CACNG2: variants seen among roughly 807,000 people sequenced by gnomAD.
CACNG2 encodes the protein calcium voltage-gated channel auxiliary subunit gamma 2, also known as voltage-dependent calcium channel gamma-2 subunit.
In CACNG2, 3 loss-of-function variants were observed where a neutral mutation model predicts 25.9. That is an observed-to-expected ratio of 0.12 (90% CI 0.05 to 0.30). The LOEUF is 0.30. Ranked by LOEUF, CACNG2 falls within the 10% of genes least tolerant of loss-of-function variation. The pLI, the probability that CACNG2 is intolerant of heterozygous loss-of-function variation, is 1.00. For missense variants in CACNG2, 341 were observed against 432.5 expected (o/e 0.79, Z 1.88); for synonymous variants, 167 against 173.3 (o/e 0.96, Z 0.29).
intron 1 of CACNG2, among the ~76,000 whole-genome samples, chr22:36,636,965 T>C (rs1936365694): frequency 6.6e-6 from 1 of 152,194 alleles, no homozygotes; most frequent in African/African-American, 2.4e-5. Context: ...AGAGGACTTG[T>C]GTTATTAAAC....
intron 1 of CACNG2, among the ~76,000 whole-genome samples, chr22:36,629,632 GC>G (rs371845386): frequency 2.3e-4 from 35 of 151,978 alleles, no homozygotes; most frequent in African/African-American, 8.5e-4. Context: ...GGTAAAGGGG[GC>G]CAGGTGAGAA....
At chr22:36,568,817 A>G (rs76969171) in intron 2 of CACNG2, among the ~76,000 whole-genome samples, 3,726 of 151,924 alleles carry the variant, frequency 0.025, 173 homozygotes, top group African/African-American at 0.087. Context: ...GGGGGACCTG[A>G]AGAAGGGCAG....
At chr22:36,686,050 AAACAGAG>A (rs781476870) in intron 1 of CACNG2, among the ~76,000 whole-genome samples, 16 of 152,202 alleles carry the variant, frequency 1.1e-4, no homozygotes, top group Admixed American at 6.5e-5. Context: ...AGATACTTGA[AAACAGAG>A]AAGCACAAGG....
At chr22:36,658,824 C>T (rs8138176) in intron 1 of CACNG2, among the ~76,000 whole-genome samples, 15,286 of 151,678 alleles carry the variant, frequency 0.1, 2,534 homozygotes, top group African/African-American at 0.35. Context: ...CAAGAGTGTG[C>T]GGGGAAGGGA....
At position 36,595,372 on chromosome 22, in the gene CACNG2, G is replaced by A. The variant is rs377140235; in HGVS notation, c.212-7824C>T. 1.3e-4 allele frequency among the ~76,000 whole-genome samples: 20 copies of A among 152,280 alleles called. No homozygotes were observed. The East Asian group carries it at 3.3e-3, about 25-fold the overall frequency. On this transcript the variant is annotated intron_variant, in intron 1 of 3. Coordinates refer to ENST00000300105, the MANE Select transcript of CACNG2 (RefSeq NM_006078.5). ...CATCACCAGTGTCTTCCCAGCTCTC[G>A]TTAGCAGTTTGAAATCAGCCGTGGT...
At chr22:36,587,659 C>G in intron 1 of CACNG2, 111 bp from the exon 2 acceptor site, 2 of 797,428 alleles carry the variant, frequency 2.5e-6, no homozygotes, top group Non-Finnish European at 4.6e-6. Context: ...TCAGCCCTCT[C>G]CCTCACCCCT....
In CACNG2 at chr22:36,648,344, G is replaced by A. The variant is rs565148924; in HGVS notation, c.211+54022C>T. Among the ~76,000 whole-genome samples, 7 of 152,324 alleles carry A rather than the reference G, an allele frequency of 4.6e-5. No homozygotes were observed. In the South Asian group the frequency reaches 1.0e-3, roughly 23 times the overall value. On this transcript the variant is annotated intron_variant, in intron 1 of 3. Coordinates refer to ENST00000300105, the MANE Select transcript of CACNG2 (RefSeq NM_006078.5). ...AACAGAAAGAGTAATATCGTATACT[G>A]CCAATTCTTTATCAGTGAAATCACC...
At chr22:36,601,477 A>G (rs1200167728) in intron 1 of CACNG2, among the ~76,000 whole-genome samples, 1 of 152,012 alleles carries the variant, frequency 6.6e-6, no homozygotes, top group Non-Finnish European at 1.5e-5. Context: ...TGAACATGGG[A>G]GTGTAGATAC....
chr22:36,580,260 C>T (rs921837088), intron 2 of CACNG2, among the ~76,000 whole-genome samples: 8 of 152,034 alleles, frequency 5.3e-5, no homozygotes, highest in African/African-American at 1.7e-4. Flanking sequence ...TGTAAATTCA[C>T]CCCCCAGACG....
intron 1 of CACNG2, among the ~76,000 whole-genome samples, chr22:36,683,854 C>T (rs1309088745): frequency 6.6e-6 from 1 of 152,118 alleles, no homozygotes. Flanking sequence ...TCTCTCTCCA[C>T]CCCCCGCGAC....
chr22:36,619,451 C>G (rs530069594), intron 1 of CACNG2, among the ~76,000 whole-genome samples: 3 of 152,186 alleles, frequency 2.0e-5, no homozygotes, highest in Admixed American at 2.0e-4. Flanking sequence ...TGATTGAATG[C>G]GATGGGTGAT....
chr22:36,618,653 G>A (rs1936061036), intron 1 of CACNG2, among the ~76,000 whole-genome samples: 1 of 152,208 alleles, frequency 6.6e-6, no homozygotes, highest in Non-Finnish European at 1.5e-5. Flanking sequence ...CAGGCACGGT[G>A]GCTCCACCTA....
intron 1 of CACNG2, among the ~76,000 whole-genome samples, chr22:36,603,006 C>T (rs1171375542): frequency 6.6e-6 from 1 of 152,146 alleles, no homozygotes; most frequent in Non-Finnish European, 1.5e-5. Flanking sequence ...AACAATTAAG[C>T]TTAGTGAGGA....
At chr22:36,645,109 AAAC>A (rs1353232091) in intron 1 of CACNG2, among the ~76,000 whole-genome samples, 1 of 152,194 alleles carries the variant, frequency 6.6e-6, no homozygotes, top group African/African-American at 2.4e-5. Context: ...TGCAGTTTTT[AAAC>A]AACATCTGTT....
In CACNG2 at chr22:36,703,682, C is replaced by T. The variant is rs940487225; in HGVS notation, c.-1106G>A. 1 of 151,994 alleles carries T rather than the reference C, an allele frequency of 6.6e-6. No individual in the cohort carries two copies. The highest frequency in any genetic ancestry group is 6.6e-5 in the Admixed American group (1 of 15,258). 9.4% of individuals were successfully genotyped at this position (151,994 alleles called of 1,614,324 possible). ...GCGGGGGCCGCCTTTCCTCTTTTTA[C>T]CCCTCTCCCAAATCCTAAAATGAGC... is the stretch of plus-strand genomic sequence containing the variant. On this transcript the variant is annotated 5_prime_UTR_variant, in exon 1 of 4. Coordinates refer to ENST00000300105, the MANE Select transcript of CACNG2 (RefSeq NM_006078.5).
chr22:36,634,427 T>A (rs1053097144), intron 1 of CACNG2, among the ~76,000 whole-genome samples: 1 of 152,240 alleles, frequency 6.6e-6, no homozygotes, highest in African/African-American at 2.4e-5. Flanking sequence ...GAAAGGCATA[T>A]GTCCCTGAAT....
chr22:36,629,377 TC>T (rs1936233213), intron 1 of CACNG2, among the ~76,000 whole-genome samples: 1 of 151,994 alleles, frequency 6.6e-6, no homozygotes, highest in Non-Finnish European at 1.5e-5. Flanking sequence ...TGTAGCCCCA[TC>T]CCCAGGGAGC....
chr22:36,672,548 A>T (rs910916285), intron 1 of CACNG2, among the ~76,000 whole-genome samples: 5 of 152,112 alleles, frequency 3.3e-5, no homozygotes, highest in Non-Finnish European at 7.4e-5. Flanking sequence ...TTTTGCTGAG[A>T]ACAGCTACTC....
chr22:36,669,310 T>C (rs1214514758), intron 1 of CACNG2, among the ~76,000 whole-genome samples: 1 of 151,442 alleles, frequency 6.6e-6, no homozygotes, highest in Admixed American at 6.6e-5. Flanking sequence ...GAGACCAGCC[T>C]GGCCAACACG....
Sources: allele counts gnomAD v4.1 joint callset (sites outside exome capture counted in the v4.1 genomes callset), GRCh38; gene constraint gnomAD v4.1.1; transcripts MANE v1.5; gene names NCBI Gene and HGNC (gene_info 2026-07-23, HGNC 2026-07-21).